Variants in RAP1GAP observed in about 807,000 individuals in gnomAD.
RAP1GAP encodes the protein rap1 GTPase-activating protein 1.
In RAP1GAP, 35 loss-of-function variants were observed where a neutral mutation model predicts 87.2. The ratio of observed to expected loss-of-function variants is 0.40; its 90% confidence interval spans 0.31 to 0.53. The LOEUF (loss-of-function observed/expected upper bound fraction) is 0.53, where lower values mean the gene tolerates loss of function less well. Among genes scored for constraint, RAP1GAP ranks in the 20% least tolerant of loss-of-function variants. RAP1GAP has a pLI of 0.48. For synonymous variants in RAP1GAP, 375 were observed against 363.9 expected (o/e 1.03, Z -0.35); for missense variants, 734 against 898.9 (o/e 0.82, Z 2.35).
At chr1:21,631,855 C>T (rs1330634311) in intron 2 of RAP1GAP, among the ~76,000 whole-genome samples, 1 of 152,150 alleles carries the variant, frequency 6.6e-6, no homozygotes, top group East Asian at 1.9e-4. Context: ...CCTTCCACAG[C>T]GTGCATCCCA....
rs749028267 is a variant in RAP1GAP, at chr1:21,611,515, G to A, written c.780C>T (p.Arg260=). 2 of 1,614,212 alleles carry A rather than the reference G, an allele frequency of 1.2e-6. No homozygotes were observed. Among genetic ancestry groups the A allele is most frequent in the East Asian group, 4.5e-5 (2 of 44,854 alleles). ...TGTESVYCNF[R]NKEIMFHVST... ...ACACGTGAAACATGATCTCCTTGTT[G>A]CGGAAGTTGCAGTACACAGATTCGG... is the stretch of plus-strand genomic sequence containing the variant. The change falls in exon 13 of 25, where the codon CGC becomes CGT. Residue 260 remains arginine (R), a synonymous_variant. Coordinates refer to ENST00000374765, the MANE Select transcript of RAP1GAP (RefSeq NM_002885.4).
intron 2 of RAP1GAP, among the ~76,000 whole-genome samples, chr1:21,643,865 G>A (rs1381707073): frequency 6.6e-6 from 1 of 152,168 alleles, no homozygotes; most frequent in Non-Finnish European, 1.5e-5. Flanking sequence ...CTGGGTATTT[G>A]AACTCAGGTC....
chr1:21,600,248 C>T (rs569477596), intron 20 of RAP1GAP, among the ~76,000 whole-genome samples: 1 of 152,316 alleles, frequency 6.6e-6, no homozygotes, highest in African/African-American at 2.4e-5. Flanking sequence ...CTAGGGCTCT[C>T]GCTCCAGGAG....
chr1:21,611,763 C>T lies in RAP1GAP; in HGVS notation c.666G>A (p.Glu222=), dbSNP rs1558671019. 1.2e-6 allele frequency: 2 copies of T among 1,614,150 alleles called. No homozygotes were observed. Among genetic ancestry groups the T allele is most frequent in the Non-Finnish European group, 1.7e-6 (2 of 1,179,936 alleles). Residue 222 remains glutamate, a synonymous_variant, in exon 12 of 25, where the codon GAG becomes GAA. Coordinates refer to ENST00000374765, the MANE Select transcript of RAP1GAP (RefSeq NM_002885.4). ...CCTTCTGGCCAAGAAATTCAAGGAA[C>T]TCCACGAAAGCGGGACTTTCCTCAT... is the stretch of plus-strand genomic sequence containing the variant. ...STNEESPAFV[E]FLEFLGQKVK...
chr1:21,657,929 T>C (rs2096928783), intron 1 of RAP1GAP, among the ~76,000 whole-genome samples: 1 of 152,104 alleles, frequency 6.6e-6, no homozygotes, highest in South Asian at 2.1e-4. Context: ...GACAAGGCCC[T>C]CATTGAGGCA....
chr1:21,612,807 C>A (rs2079214938), intron 10 of RAP1GAP, among the ~76,000 whole-genome samples: 1 of 152,230 alleles, frequency 6.6e-6, no homozygotes, highest in Non-Finnish European at 1.5e-5. Flanking sequence ...TATTCTCTCT[C>A]TATAGGTCTC....
At chr1:21,617,995 G>A (rs1258352398) in intron 5 of RAP1GAP, 23 bp from the exon 6 acceptor site, 2 of 1,614,008 alleles carry the variant, frequency 1.2e-6, no homozygotes, top group South Asian at 1.1e-5. Flanking sequence ...AACAGGGCAA[G>A]GGTCTCTCCA....
chr1:21,651,557 A>G (rs2151992811), intron 1 of RAP1GAP: 1 of 682,422 alleles, frequency 1.5e-6, no homozygotes, highest in African/African-American at 1.8e-5. Flanking sequence ...ATGCACATGG[A>G]CACGCAATGG....
In RAP1GAP at chr1:21,617,366, G is replaced by T. The variant is rs776966810; in HGVS notation, c.231C>A (p.Thr77=). The T allele has an allele frequency of 1.9e-6, 3 of 1,600,618 alleles. No homozygotes were observed. In the East Asian group the frequency reaches 6.7e-5, roughly 36 times the overall value. Residue 77 remains threonine, a synonymous_variant, in exon 7 of 25, where the codon ACC becomes ACA. Transcript: ENST00000374765. ...PETEPLQSPT[T]KVKLECNPTA... is the part of the protein sequence containing the mutation. ...TGGGGTTGCACTCGAGCTTCACCTT[G>T]GTTGTGGGCGACTGCAGTGGCTCTG...
chr1:21,649,275 C>CG (rs1213906899), intron 2 of RAP1GAP, among the ~76,000 whole-genome samples: 2 of 151,790 alleles, frequency 1.3e-5, no homozygotes, highest in African/African-American at 4.8e-5. Context: ...TGAGGGCTGT[C>CG]GGGGGGAGTA....
chr1:21,650,358 C>T (rs1389879831), intron 1 of RAP1GAP, among the ~76,000 whole-genome samples: 1 of 152,136 alleles, frequency 6.6e-6, no homozygotes, highest in Non-Finnish European at 1.5e-5. Context: ...ACCCTGCTCC[C>T]TAAGACTTCA....
intron 2 of RAP1GAP, among the ~76,000 whole-genome samples, chr1:21,627,323 C>T (rs1217957229): frequency 6.6e-6 from 1 of 151,938 alleles, no homozygotes; most frequent in Admixed American, 6.5e-5. Context: ...TCAGGCAGAG[C>T]CGGGGCTGCC....
chr1:21,620,862 TC>T (rs1168959281), intron 3 of RAP1GAP, among the ~76,000 whole-genome samples: 1 of 151,890 alleles, frequency 6.6e-6, no homozygotes, highest in African/African-American at 2.4e-5. Context: ...ACTCTCTCTC[TC>T]TCTCTCTCCA....
In RAP1GAP at chr1:21,638,150, AAAAAAAAAAAAAG is replaced by A. The variant is rs200274093; in HGVS notation, c.-113+11598_-113+11610del. 7.2e-3 allele frequency among the ~76,000 whole-genome samples: 554 copies of A among 77,338 alleles called. 2 individuals carry two copies. Among genetic ancestry groups the A allele is most frequent in the African/African-American group, 0.017 (521 of 29,864 alleles). The allele number at this position is 77,338 out of a possible 152,430, so 50.7% of individuals were successfully genotyped here. A position where few individuals can be genotyped will look rare whatever the true frequency, so the allele number is the denominator to read the frequency against. ...TGAGTAACAGAGCAAGATCCTATTA[AAAAAAAAAAAAAG>A]AAAAGAAAAAAAGGCCGGGCATGGT... On this transcript the variant is annotated intron_variant, in intron 2 of 24. Coordinates refer to ENST00000374765, the MANE Select transcript of RAP1GAP (RefSeq NM_002885.4).
chr1:21,608,759 G>C, intron 16 of RAP1GAP, 91 bp downstream of exon 16: 3 of 1,344,438 alleles, frequency 2.2e-6, no homozygotes, highest in South Asian at 1.2e-5. Flanking sequence ...GCCAAGGTCT[G>C]AACATGGCTT....
intron 5 of RAP1GAP, 61 bp downstream of exon 5, chr1:21,618,964 C>T (rs2084420856): frequency 1.3e-6 from 2 of 1,490,240 alleles, no homozygotes; most frequent in African/African-American, 1.4e-5. Context: ...GCAGTGGTGG[C>T]AGCACTTCCC....
At chr1:21,633,897 C>T (rs1017374213) in intron 2 of RAP1GAP, among the ~76,000 whole-genome samples, 5 of 151,972 alleles carry the variant, frequency 3.3e-5, no homozygotes, top group African/African-American at 1.2e-4. Context: ...ACAGACCTCC[C>T]AGTGAGAAGA....
At chr1:21,641,327 G>C (rs763354776) in intron 2 of RAP1GAP, among the ~76,000 whole-genome samples, 1 of 152,040 alleles carries the variant, frequency 6.6e-6, no homozygotes, top group Admixed American at 6.5e-5. Flanking sequence ...GCTTTGGGGC[G>C]GGGGAAGGAG....
chr1:21,598,851 T>A (rs1304283153), intron 21 of RAP1GAP, among the ~76,000 whole-genome samples: 2 of 151,188 alleles, frequency 1.3e-5, no homozygotes, highest in Non-Finnish European at 2.9e-5. Flanking sequence ...TTCTAGACTC[T>A]GTGCCCCAGC....
Sources: allele counts gnomAD v4.1 joint callset (sites outside exome capture counted in the v4.1 genomes callset), GRCh38; gene constraint gnomAD v4.1.1; transcripts MANE v1.5; gene names NCBI Gene and HGNC (gene_info 2026-07-23, HGNC 2026-07-21).